RNLS: variants seen among roughly 807,000 people sequenced by gnomAD.
RNLS encodes the protein renalase, FAD dependent amine oxidase, also known as renalase.
A neutral mutation model predicts 39.8 loss-of-function variants in RNLS; 39 were observed. The ratio of observed to expected loss-of-function variants is 0.98; its 90% CI spans 0.76 to 1.28. The LOEUF is 1.28. Among genes scored for constraint, RNLS ranks in the 50% most tolerant of loss-of-function variants. The pLI is 0.00. For missense variants in RNLS, 410 were observed against 413.3 expected, an observed-to-expected ratio of 0.99 and a Z score of 0.07; for synonymous variants, 147 against 150.7, an observed-to-expected ratio of 0.98 and a Z score of 0.18.
chr10:88,352,617 G>A (rs961550350), intron 5 of RNLS, among the ~76,000 whole-genome samples: 5 of 152,192 alleles, frequency 3.3e-5, no homozygotes, highest in Non-Finnish European at 5.9e-5. Flanking sequence ...TCTTATTGAG[G>A]ATTTTTGCAT....
chr10:88,551,888 T>G (rs529582983), intron 4 of RNLS, among the ~76,000 whole-genome samples: 1 of 152,280 alleles, frequency 6.6e-6, no homozygotes, highest in East Asian at 1.9e-4. Context: ...TTGGAGCTAT[T>G]GTTATTTACT....
At chr10:88,339,993 C>T (rs1175578333) in intron 5 of RNLS, among the ~76,000 whole-genome samples, 2 of 152,164 alleles carry the variant, frequency 1.3e-5, no homozygotes, top group South Asian at 2.1e-4. Context: ...TATCACATGG[C>T]GTTTTAGATA....
chr10:88,210,424 C>A, the RNLS span, among the ~76,000 whole-genome samples: 1 of 151,966 alleles, frequency 6.6e-6, no homozygotes, highest in South Asian at 2.1e-4. Context: ...TATTATAATC[C>A]AAACAACATT....
intron 4 of RNLS, among the ~76,000 whole-genome samples, chr10:88,398,126 C>G (rs1224129462): frequency 6.6e-6 from 1 of 152,064 alleles, no homozygotes; most frequent in Non-Finnish European, 1.5e-5. Flanking sequence ...ATTGCAAAGA[C>G]AGTTTGTTAT....
At chr10:88,351,513 C>T (rs1430058756) in intron 5 of RNLS, among the ~76,000 whole-genome samples, 1 of 152,112 alleles carries the variant, frequency 6.6e-6, no homozygotes, top group Non-Finnish European at 1.5e-5. Flanking sequence ...TTGTCTTTGT[C>T]AGGTTTGTCA....
chr10:88,314,567 T>C lies in RNLS; in HGVS notation c.775A>G (p.Ile259Val), dbSNP rs1407170462. 6.2e-7 allele frequency: 1 copy of C among 1,613,982 alleles called. No homozygotes were observed. The highest frequency in any genetic ancestry group is 8.5e-7 in the Non-Finnish European group (1 of 1,179,878). Residue 259 changes from isoleucine (I) to valine (V), a missense_variant, in exon 6 of 7, where the codon ATT (isoleucine) becomes GTT (valine). Physicochemically the swap from Ile to Val is conservative, Grantham distance 29. Coordinates refer to ENST00000331772, the MANE Select transcript of RNLS (RefSeq NM_001031709.3). The part of the protein sequence containing the change: ...PFGVTYLEHS[I>V]EDVQELVFQQ... ...AAGACTAACTCTTGCACATCCTCAA[T>C]GCTGTGTTCCAAGTATGTAACTCCA...
intron 6 of RNLS, among the ~76,000 whole-genome samples, chr10:88,278,846 G>A (rs1842906479): frequency 1.3e-5 from 2 of 152,158 alleles, no homozygotes; most frequent in Admixed American, 1.3e-4. Context: ...TTTTTGTTCT[G>A]TGAGATAATT....
chr10:88,357,393 C>T (rs951982614), intron 5 of RNLS, among the ~76,000 whole-genome samples: 25 of 152,142 alleles, frequency 1.6e-4, no homozygotes, highest in Non-Finnish European at 4.4e-5. Flanking sequence ...TCACTTGTGG[C>T]ACTATTCCTT....
intron 4 of RNLS, among the ~76,000 whole-genome samples, chr10:88,564,142 T>TC (rs1347038669): frequency 6.6e-6 from 1 of 152,198 alleles, no homozygotes; most frequent in Non-Finnish European, 1.5e-5. Flanking sequence ...TTATTAGAGT[T>TC]TGCCTTCTTG....
At chr10:88,330,974 A>G (rs1847073636) in intron 5 of RNLS, among the ~76,000 whole-genome samples, 2 of 152,222 alleles carry the variant, frequency 1.3e-5, no homozygotes, top group East Asian at 3.8e-4. Flanking sequence ...GTATTATAAC[A>G]GAAACTTAAC....
At chr10:88,516,134 C>T (rs951355058) in intron 4 of RNLS, among the ~76,000 whole-genome samples, 3 of 151,936 alleles carry the variant, frequency 2.0e-5, no homozygotes, top group Admixed American at 2.0e-4. Flanking sequence ...GCTCCAGAAC[C>T]GTGAGAAAAT....
downstream of RNLS, among the ~76,000 whole-genome samples, chr10:88,270,497 A>G (rs1842618970): frequency 6.6e-6 from 1 of 152,182 alleles, no homozygotes; most frequent in Non-Finnish European, 1.5e-5. Context: ...GGTGGCCCAG[A>G]GTTTCCTTCA....
intron 2 of RNLS, 43 bp from the exon 3 acceptor site, chr10:88,581,752 T>C (rs1850579295): frequency 3.1e-6 from 4 of 1,296,608 alleles, no homozygotes; most frequent in Non-Finnish European, 4.2e-6. Flanking sequence ...TTATATACCA[T>C]GAATAGCTCT....
the RNLS span, among the ~76,000 whole-genome samples, chr10:88,237,651 A>G: frequency 2.0e-5 from 3 of 152,244 alleles, no homozygotes; most frequent in Admixed American, 1.3e-4. Flanking sequence ...CTTATAAGAA[A>G]GTAGCAGAGA....
In RNLS at chr10:88,334,484, C is replaced by T. The variant is rs77073362; in HGVS notation, c.701-19843G>A. Among the ~76,000 whole-genome samples the T allele has an allele frequency of 2.2e-4, 34 of 152,228 alleles. No homozygotes were observed. In the East Asian group the frequency reaches 4.6e-3, roughly 21 times the overall value. ...GCTCATCAAATGCTATTTGAAAAAC[C>T]AACCTATCAAGCCTGACTCACTTCA... On this transcript the variant is annotated intron_variant, in intron 5 of 6. Transcript: ENST00000331772.
intron 4 of RNLS, among the ~76,000 whole-genome samples, chr10:88,366,163 T>A (rs1378491076): frequency 1.3e-5 from 2 of 152,028 alleles, no homozygotes; most frequent in African/African-American, 4.8e-5. Flanking sequence ...ATAAAGCAGG[T>A]AAAGGGATAC....
chr10:88,222,941 G>T, the RNLS span, among the ~76,000 whole-genome samples: 1 of 152,242 alleles, frequency 6.6e-6, no homozygotes, highest in African/African-American at 2.4e-5. Flanking sequence ...ACTTTTGGAA[G>T]CATAGTCTCA....
the RNLS span, among the ~76,000 whole-genome samples, chr10:88,240,502 A>C: frequency 6.6e-6 from 1 of 152,120 alleles, no homozygotes; most frequent in Admixed American, 6.6e-5. Context: ...ATTTCAGACC[A>C]ATCTTCAAAC....
intron 6 of RNLS, among the ~76,000 whole-genome samples, chr10:88,309,015 G>A (rs1194540445): frequency 6.6e-6 from 1 of 152,162 alleles, no homozygotes; most frequent in East Asian, 1.9e-4. Flanking sequence ...GCAAACTAAT[G>A]CGGGAACAGA....
Sources: allele counts gnomAD v4.1 joint callset (sites outside exome capture counted in the v4.1 genomes callset), GRCh38; gene constraint gnomAD v4.1.1; transcripts MANE v1.5; gene names NCBI Gene and HGNC (gene_info 2026-07-23, HGNC 2026-07-21).